EVC2: variants seen among roughly 807,000 people sequenced by gnomAD.
The protein encoded by EVC2 is EvC ciliary complex subunit 2.
A neutral mutation model predicts 149.3 loss-of-function variants in EVC2; 148 were observed. The observed-to-expected ratio is 0.99, with a 90% CI of 0.87 to 1.14. The LOEUF (loss-of-function observed/expected upper bound fraction) is 1.14, where lower values mean the gene tolerates loss of function less well. EVC2 is among the 50% of genes most tolerant of loss of function. The pLI, the probability that EVC2 is intolerant of heterozygous loss-of-function variation, is 0.00. For missense variants in EVC2, 1,854 were observed against 1,627.3 expected, an observed-to-expected ratio of 1.14 and a Z score of -2.40; for synonymous variants, 776 against 649.9, an observed-to-expected ratio of 1.19 and a Z score of -2.95.
chr4:5,554,419 C>G (rs1322107861), intron 21 of EVC2, among the ~76,000 whole-genome samples: 1 of 152,170 alleles, frequency 6.6e-6, no homozygotes, highest in Non-Finnish European at 1.5e-5. Flanking sequence ...AAACTAAGGG[C>G]CTATAGTCTT....
In EVC2 at chr4:5,618,822, T is replaced by C. The variant is rs1345997411; in HGVS notation, c.2502-140A>G. 5.0e-6 allele frequency: 4 copies of C among 794,474 alleles called. No individual in the cohort carries two copies. Among genetic ancestry groups the C allele is most frequent in the Non-Finnish European group, 8.5e-6 (4 of 470,500 alleles). 49.2% of individuals were successfully genotyped at this position (794,474 alleles called of 1,614,324 possible). A position where few individuals can be genotyped will look rare whatever the true frequency, so the allele number is the denominator to read the frequency against. ...CACTGGCTCCTTAATCATGCATTCC[T>C]GCCACAGGCATTCCTTGAGCACCTA... On this transcript the variant is annotated intron_variant, in intron 14 of 21. Coordinates refer to ENST00000344408, the MANE Select transcript of EVC2 (RefSeq NM_147127.5). This position sits in a 1 kb window ranked among gnomAD's most constrained non-coding sequence, Gnocchi z 4.4.
intron 6 of EVC2, among the ~76,000 whole-genome samples, chr4:5,683,647 A>C (rs1184286560): frequency 6.6e-6 from 1 of 152,168 alleles, no homozygotes; most frequent in Non-Finnish European, 1.5e-5. Context: ...CAGGAACCAA[A>C]CAAAGTAACA....
chr4:5,679,382 C>T lies in EVC2; in HGVS notation c.870+1878G>A, dbSNP rs987564336. ...TCCCGAGTAGCTGGAATCACAGACA[C>T]GCACCACCATGCTCAGCTAATTTTT... On this transcript the variant is annotated intron_variant, in intron 7 of 21. Coordinates refer to ENST00000344408, the MANE Select transcript of EVC2 (RefSeq NM_147127.5). This position sits in a 1 kb window ranked among gnomAD's most constrained non-coding sequence, Gnocchi z 5.1. 2.6e-5 allele frequency among the ~76,000 whole-genome samples: 4 copies of T among 152,070 alleles called. No individual in the cohort carries two copies. Among genetic ancestry groups the T allele is most frequent in the Non-Finnish European group, 5.9e-5 (4 of 68,014 alleles).
chr4:5,688,425 AAGCTTCTCAGCCAC>A (rs1170975473), intron 5 of EVC2, among the ~76,000 whole-genome samples: 2 of 152,148 alleles, frequency 1.3e-5, no homozygotes, highest in Non-Finnish European at 2.9e-5. Context: ...GACCTCGGGC[AAGCTTCTCAGCCAC>A]TTTAGTCCCA....
rs2151731557 is a variant in EVC2 at position 5,689,149 on chromosome 4, G to A, written c.706+8C>T. The stretch of plus-strand genomic sequence containing the variant: ...GTCATCCCTGACTTCAGAACGCTTT[G>A]CTGTTACCTTGCAGAAACTTCTTGC... On this transcript the variant is annotated splice_region_variant and intron_variant, in intron 5 of 21. Transcript: ENST00000344408. 6.2e-7 allele frequency: 1 copy of A among 1,613,946 alleles called. No homozygotes were observed. Among genetic ancestry groups the A allele is most frequent in the Non-Finnish European group, 8.5e-7 (1 of 1,180,000 alleles).
At chr4:5,650,634 T>TAGAGAGAGAGAG (rs1204960392) in intron 9 of EVC2, among the ~76,000 whole-genome samples, 17 of 58,180 alleles carry the variant, frequency 2.9e-4, no homozygotes, top group Non-Finnish European at 5.2e-4. Flanking sequence ...TATATATATA[T>TAGAGAGAGAGAG]ATATAGAGAG....
At chr4:5,586,100 G>T (rs778444210) in intron 16 of EVC2, among the ~76,000 whole-genome samples, 7 of 152,090 alleles carry the variant, frequency 4.6e-5, no homozygotes, top group Non-Finnish European at 1.0e-4. Context: ...GGCCTCAAGT[G>T]ATCTACCCAC....
intron 9 of EVC2, among the ~76,000 whole-genome samples, chr4:5,652,777 G>T (rs1375612465): frequency 1.3e-5 from 2 of 152,162 alleles, no homozygotes; most frequent in Non-Finnish European, 2.9e-5. Context: ...GCATCAGAAT[G>T]ACCAGAATGA....
At chr4:5,554,276 C>A (rs745463312) in intron 21 of EVC2, among the ~76,000 whole-genome samples, 1 of 152,150 alleles carries the variant, frequency 6.6e-6, no homozygotes, top group Non-Finnish European at 1.5e-5. Context: ...CAGCTGTGAC[C>A]TGCTTATCTG....
chr4:5,665,774 C>T (rs954388281), intron 7 of EVC2, 125 bp from the exon 8 acceptor site: 10 of 1,449,836 alleles, frequency 6.9e-6, no homozygotes, highest in Admixed American at 5.9e-5. Context: ...ATTTGAGTCT[C>T]GCTCTGCCAG....
intron 16 of EVC2, among the ~76,000 whole-genome samples, chr4:5,594,835 G>T (rs147473803): frequency 6.6e-6 from 1 of 152,124 alleles, no homozygotes; most frequent in African/African-American, 2.4e-5. Flanking sequence ...AAATTTAGGC[G>T]AATGTATAAC....
chr4:5,529,815 G>GTTTT, the EVC2 span, among the ~76,000 whole-genome samples: 2 of 132,084 alleles, frequency 1.5e-5, no homozygotes, highest in African/African-American at 2.8e-5. This position sits in a 1 kb window ranked among gnomAD's most constrained non-coding sequence, Gnocchi z 4.5. Flanking sequence ...AGTTATTTAG[G>GTTTT]TTTTTTTTTT....
At chr4:5,605,614 G>T (rs946959041) in intron 16 of EVC2, among the ~76,000 whole-genome samples, 1 of 152,190 alleles carries the variant, frequency 6.6e-6, no homozygotes, top group Non-Finnish European at 1.5e-5. Flanking sequence ...TTGTGGAATC[G>T]CTCAGATGTT....
rs1161530763 is a variant in EVC2, at chr4:5,622,718, G to C, written c.2320C>G (p.Gln774Glu). ...LKRGVPWLFL[Q>E]QILEEHGKEM... is the part of the protein sequence containing the mutation. ...TTGCCGTGCTCCTCCAGGATCTGCT[G>C]CAGGAAGAGCCAGGGCACCCCACGC... Residue 774 changes from glutamine (Q) to glutamate (E), a missense_variant, in exon 14 of 22, where the codon CAG becomes GAG. Physicochemically the swap from Gln to Glu is conservative, Grantham distance 29. Coordinates refer to ENST00000344408, the MANE Select transcript of EVC2 (RefSeq NM_147127.5). The surrounding 1 kb of genome is among the most constrained non-coding windows in gnomAD (Gnocchi z 5.8). 1 of 1,614,030 alleles carries C rather than the reference G, an allele frequency of 6.2e-7. No homozygotes were observed. Among genetic ancestry groups the C allele is most frequent in the Non-Finnish European group, 8.5e-7 (1 of 1,180,010 alleles).
At position 5,685,490 on chromosome 4, in the gene EVC2, A is replaced by G. The variant is rs1328162736; in HGVS notation, c.707-11T>C. 1 of 1,613,414 alleles carries G rather than the reference A, an allele frequency of 6.2e-7. No individual in the cohort carries two copies. Among genetic ancestry groups the G allele is most frequent in the Non-Finnish European group, 8.5e-7 (1 of 1,179,486 alleles). On this transcript the variant is annotated splice_polypyrimidine_tract_variant and intron_variant, in intron 5 of 21. Coordinates refer to ENST00000344408, the MANE Select transcript of EVC2 (RefSeq NM_147127.5). ...CAAAGGCATCTCCCACTGCGCAGAGAAAAGCACATGTGACTCAGGGAGGGC... is the reference window on the plus strand; with the variant it reads ...CAAAGGCATCTCCCACTGCGCAGAGGAAAGCACATGTGACTCAGGGAGGGC...
At chr4:5,654,938 C>T (rs1306497339) in intron 9 of EVC2, among the ~76,000 whole-genome samples, 4 of 152,236 alleles carry the variant, frequency 2.6e-5, no homozygotes, top group Admixed American at 2.0e-4. Flanking sequence ...TCTCTTCCTG[C>T]AGACAGTGGG....
intron 9 of EVC2, among the ~76,000 whole-genome samples, chr4:5,644,299 CTTTTA>C (rs1199195753): frequency 2.0e-5 from 3 of 152,048 alleles, no homozygotes; most frequent in Non-Finnish European, 4.4e-5. Flanking sequence ...AATTTACCAT[CTTTTA>C]TTTTATTTAT....
chr4:5,544,134 G>A (rs1203909914), intron 21 of EVC2, among the ~76,000 whole-genome samples: 2 of 152,098 alleles, frequency 1.3e-5, no homozygotes, highest in Admixed American at 6.6e-5. Context: ...GCGGTCACCT[G>A]AGTTTAAACT....
Position 5,569,274 on chromosome 4 carries a change from A to G in EVC2, c.3361-634T>C, listed in dbSNP as rs1228634109. On this transcript the variant is annotated intron_variant, in intron 19 of 21. Transcript: ENST00000344408. The surrounding 1 kb of genome is among the most constrained non-coding windows in gnomAD (Gnocchi z 4.8). ...GGGTGTGGCCTTAAAGGGGCAGCCC[A>G]GGGTGGCCTTTGTGGTGGTTGACAG... is the stretch of plus-strand genomic sequence containing the variant. 6.6e-6 allele frequency among the ~76,000 whole-genome samples: 1 copy of G among 152,176 alleles called. No homozygotes were observed. Among genetic ancestry groups the G allele is most frequent in the African/African-American group, 2.4e-5 (1 of 41,458 alleles).
Sources: allele counts gnomAD v4.1 joint callset (sites outside exome capture counted in the v4.1 genomes callset), GRCh38; gene constraint gnomAD v4.1.1; non-coding constraint Gnocchi (gnomAD v3.1); transcripts MANE v1.5; gene names NCBI Gene and HGNC (gene_info 2026-07-23, HGNC 2026-07-21).